AXIN1: variants seen among roughly 807,000 people sequenced by gnomAD.
The protein encoded by AXIN1 is axin-1.
A neutral mutation model predicts 76.4 loss-of-function variants in AXIN1; 30 were observed. The ratio of observed to expected loss-of-function variants is 0.39; its 90% confidence interval spans 0.29 to 0.53. AXIN1 has a LOEUF of 0.53. Among genes scored for constraint, AXIN1 ranks in the 20% least tolerant of loss-of-function variants. The pLI is 0.66. For missense variants in AXIN1, 1,140 were observed against 1,198.8 expected (o/e 0.95, Z 0.72); for synonymous variants, 545 against 501.4 (o/e 1.09, Z -1.16).
intron 2 of AXIN1, among the ~76,000 whole-genome samples, chr16:320,906 A>G (rs1555482266): frequency 6.6e-6 from 1 of 151,460 alleles, no homozygotes; most frequent in Non-Finnish European, 1.5e-5. Flanking sequence ...CGCCCGGCTA[A>G]TTTTTGTATT....
chr16:350,660 T>C (rs1170635961), intron 1 of AXIN1, among the ~76,000 whole-genome samples: 6 of 152,240 alleles, frequency 3.9e-5, no homozygotes, highest in African/African-American at 1.2e-4. Flanking sequence ...AGGGCTACTA[T>C]TTCACATGTA....
chr16:339,614 G>A (rs2053875955), intron 2 of AXIN1, among the ~76,000 whole-genome samples: 1 of 151,960 alleles, frequency 6.6e-6, no homozygotes, highest in African/African-American at 2.4e-5. Flanking sequence ...CCTGGGAGGC[G>A]GAGGCTGCAG....
rs1270480925 is a variant in AXIN1, at chr16:352,453, G to C, written c.-166C>G. ...GGCCCATGCGCTCAGCGGCAGCGCG[G>C]CGGGCGGGACCCGGCGGGGGCGCGG... On this transcript the variant is annotated 5_prime_UTR_variant, in exon 1 of 11. Transcript: ENST00000262320. 39 of 973,848 alleles carry C rather than the reference G, an allele frequency of 4.0e-5. No homozygotes were observed. Among genetic ancestry groups the C allele is most frequent in the Middle Eastern group, 1.1e-3 (2 of 1,896 alleles). The allele number at this position is 973,848 out of a possible 1,614,324, so 60.3% of individuals were successfully genotyped here.
rs867418408 is a variant in AXIN1 at position 299,876 on chromosome 16, C to T, written c.1255-1625G>A. On this transcript the variant is annotated intron_variant, in intron 5 of 10. Coordinates refer to ENST00000262320, the MANE Select transcript of AXIN1 (RefSeq NM_003502.4). ...TTCACCGTGTTAGCCAGGATGGTCTCGATCTCCCGACCTCGTGATCTGCCC... is the reference window on the plus strand; with the variant it reads ...TTCACCGTGTTAGCCAGGATGGTCTTGATCTCCCGACCTCGTGATCTGCCC... Among the ~76,000 whole-genome samples, 28 of 148,164 alleles carry T rather than the reference C, an allele frequency of 1.9e-4. 1 individual carries two copies. In the Middle Eastern group the frequency reaches 0.03, roughly 159 times the overall value.
intron 2 of AXIN1, among the ~76,000 whole-genome samples, chr16:334,794 C>G (rs2053770030): frequency 1.3e-5 from 2 of 151,314 alleles, no homozygotes; most frequent in East Asian, 3.9e-4. Context: ...CACAGCATGC[C>G]AATAACACAG....
rs2052495558 is a variant in AXIN1 at position 289,625 on chromosome 16, G to C, written c.2295-18C>G. The C allele has an allele frequency of 6.2e-7, 1 of 1,612,290 alleles. No homozygotes were observed. Among genetic ancestry groups the C allele is most frequent in the South Asian group, 1.1e-5 (1 of 91,054 alleles). Reference sequence around the variant, plus strand: ...ATCTTGTCCTGGGGAAAGAGATGCAGCGGTGGTACCTGGTTTTGGACTGAG... The same window carrying C: ...ATCTTGTCCTGGGGAAAGAGATGCACCGGTGGTACCTGGTTTTGGACTGAG... On this transcript the variant is annotated intron_variant, in intron 9 of 10. Coordinates refer to ENST00000262320, the MANE Select transcript of AXIN1 (RefSeq NM_003502.4).
At chr16:306,917 G>GCCCT (rs2053041874) in intron 4 of AXIN1, among the ~76,000 whole-genome samples, 1 of 152,218 alleles carries the variant, frequency 6.6e-6, no homozygotes, top group Non-Finnish European at 1.5e-5. Context: ...GTGTGTGGAC[G>GCCCT]GCAGGGCGTC....
At chr16:289,950 C>T (rs926349323) in intron 9 of AXIN1, 133 of 441,608 alleles carry the variant, frequency 3.0e-4, no homozygotes, top group Non-Finnish European at 5.1e-4. Context: ...GACCTACGGC[C>T]CCCAAACCTT....
At position 346,775 on chromosome 16, in the gene AXIN1, T is replaced by A. The variant is rs1260197864; in HGVS notation, c.251A>T (p.Lys84Met). Residue 84 changes from lysine to methionine, a missense_variant, in exon 2 of 11, where the codon AAG becomes ATG. Around this residue, in one of 3 missense-constraint regions of AXIN1, gnomAD observed 708 missense variants for 776.9 expected, o/e 0.91. Transcript: ENST00000262320. ...GSASPTPPYL[K>M]WAESLHSLLD... ...CAGGGAATGCAGTGACTCAGCCCAC[T>A]TCAAGTATGGTGGGGTGGGGGAGGC... 2 of 1,610,970 alleles carry A rather than the reference T, an allele frequency of 1.2e-6. No homozygotes were observed. Among genetic ancestry groups the A allele is most frequent in the Non-Finnish European group, 1.7e-6 (2 of 1,177,608 alleles).
Position 298,015 on chromosome 16 carries a change from C to A in AXIN1, c.1491G>T (p.Gly497=), listed in dbSNP as rs768876249. The change falls in exon 6 of 11, where the codon GGG becomes GGT. Residue 497 remains glycine (G), a synonymous_variant. Transcript: ENST00000262320. ...PGPGHRSPDS[G]HVAKMPVALG... ...GTGCCACTGGCATCTTGGCCACGTG[C>A]CCACTGTCCGGGGAGCGATGGCCAG... The A allele has an allele frequency of 6.3e-7, 1 of 1,596,736 alleles. No homozygotes were observed.
intron 2 of AXIN1, among the ~76,000 whole-genome samples, chr16:323,456 A>AG (rs1491561973): frequency 0.015 from 2,246 of 148,604 alleles, 90 homozygotes; most frequent in African/African-American, 0.053. Context: ...AAAAAAAAGA[A>AG]AGAAAAAAAG....
At chr16:301,837 G>A (rs2052882243) in intron 5 of AXIN1, among the ~76,000 whole-genome samples, 1 of 152,170 alleles carries the variant, frequency 6.6e-6, no homozygotes, top group African/African-American at 2.4e-5. Flanking sequence ...GGCCAACACG[G>A]CAGCAAAACA....
chr16:320,989 C>G (rs192689994), intron 2 of AXIN1, among the ~76,000 whole-genome samples: 1 of 152,086 alleles, frequency 6.6e-6, no homozygotes, highest in Non-Finnish European at 1.5e-5. Flanking sequence ...CTGCCCGCCT[C>G]GGCCTCCCAA....
At chr16:329,784 C>T (rs920506769) in intron 2 of AXIN1, among the ~76,000 whole-genome samples, 52 of 149,268 alleles carry the variant, frequency 3.5e-4, no homozygotes, top group Middle Eastern at 3.4e-3. Flanking sequence ...CCACCTTGCC[C>T]GGCTATTTTT....
rs202194713 is a variant in AXIN1, at chr16:346,990, G to C, written c.36C>G (p.Leu12=). 6.2e-7 allele frequency: 1 copy of C among 1,614,198 alleles called. No individual in the cohort carries two copies. The highest frequency in any genetic ancestry group is 1.1e-5 in the South Asian group (1 of 91,088). ...GAGCATCTTCGGTGAAACTTGCTCC[G>C]AGGTCCAAGGGGAAACCCTGCTCTT... ...NIQEQGFPLD[L]GASFTEDAPR... The change falls in exon 2 of 11, where the codon CTC becomes CTG. Residue 12 remains leucine, a synonymous_variant. Transcript: ENST00000262320.
chr16:340,927 GA>G (rs1567303449), intron 2 of AXIN1, among the ~76,000 whole-genome samples: 10 of 152,274 alleles, frequency 6.6e-5, no homozygotes, highest in Non-Finnish European at 1.3e-4. Context: ...TCCCACAGGG[GA>G]ACTGGATGCC....
chr16:348,345 CAAAT>C (rs557974918), intron 1 of AXIN1, among the ~76,000 whole-genome samples: 134 of 152,344 alleles, frequency 8.8e-4, no homozygotes, highest in African/African-American at 3.1e-3. Context: ...TCACAGCAAA[CAAAT>C]AAAACCCTAA....
chr16:302,606 C>G (rs2052903025), intron 5 of AXIN1, among the ~76,000 whole-genome samples: 1 of 152,168 alleles, frequency 6.6e-6, no homozygotes, highest in Non-Finnish European at 1.5e-5. Context: ...CAGCGGCACC[C>G]TGCGTCCACC....
chr16:318,905 C>G (rs1371535529), intron 2 of AXIN1, among the ~76,000 whole-genome samples: 1 of 151,734 alleles, frequency 6.6e-6, no homozygotes, highest in African/African-American at 2.4e-5. Flanking sequence ...GCAGCCGGGG[C>G]CTTGGTGAGA....
Sources: gnomAD v4.1 joint callset for allele counts (sites outside exome capture counted in the v4.1 genomes callset) on GRCh38, gnomAD v4.1.1 for gene constraint, gnomAD v4.1.1 regional missense constraint, MANE v1.5 for transcripts, NCBI Gene and HGNC (gene_info 2026-07-23, HGNC 2026-07-21) for gene names.